CENPP: variants seen among roughly 807,000 people sequenced by gnomAD.
The protein encoded by CENPP is centromere protein P.
A neutral mutation model predicts 35.6 loss-of-function variants in CENPP; 24 were observed. The ratio of observed to expected loss-of-function variants is 0.67; its 90% CI spans 0.49 to 0.95. CENPP has a LOEUF of 0.95. CENPP is among the 40% of genes least tolerant of loss of function. The pLI, the probability that CENPP is intolerant of heterozygous loss-of-function variation, is 0.00. For missense variants in CENPP, 332 were observed against 345.3 expected, an observed-to-expected ratio of 0.96 and a Z score of 0.31; for synonymous variants, 120 against 125.5, an observed-to-expected ratio of 0.96 and a Z score of 0.29.
intron 5 of CENPP, among the ~76,000 whole-genome samples, chr9:92,545,181 G>C (rs1849405311): frequency 6.6e-6 from 1 of 152,182 alleles, no homozygotes; most frequent in Non-Finnish European, 1.5e-5. Flanking sequence ...CTGTGCTGTG[G>C]GAGCTCCTTC....
At chr9:92,344,737 C>A (rs1024997667) in intron 3 of CENPP, among the ~76,000 whole-genome samples, 1 of 151,196 alleles carries the variant, frequency 6.6e-6, no homozygotes, top group Non-Finnish European at 1.5e-5. Flanking sequence ...TTAGTAGAGA[C>A]GGGGTTTCAC....
chr9:92,595,161 G>A (rs907803344), intron 5 of CENPP, among the ~76,000 whole-genome samples: 1 of 152,186 alleles, frequency 6.6e-6, no homozygotes. Context: ...GCCTCCCAAA[G>A]TGCTGGGATT....
At chr9:92,335,460 G>A (rs577130792) in intron 2 of CENPP, among the ~76,000 whole-genome samples, 6 of 152,180 alleles carry the variant, frequency 3.9e-5, no homozygotes, top group African/African-American at 1.4e-4. Context: ...TATGGACAAA[G>A]CCCAAGGTCA....
chr9:92,594,668 T>C (rs1183556294), intron 5 of CENPP, among the ~76,000 whole-genome samples: 1 of 152,064 alleles, frequency 6.6e-6, no homozygotes, highest in Non-Finnish European at 1.5e-5. Flanking sequence ...TAAAATTTCA[T>C]TTGTGGCCAG....
At chr9:92,588,960 C>T (rs1200275387) in intron 5 of CENPP, among the ~76,000 whole-genome samples, 1 of 152,000 alleles carries the variant, frequency 6.6e-6, no homozygotes, top group Non-Finnish European at 1.5e-5. Context: ...TGCATTACTA[C>T]GAAATTTAAG....
chr9:92,403,105 G>A lies in CENPP; in HGVS notation c.564+23246G>A, dbSNP rs1014902377. 1.7e-5 allele frequency: 10 copies of A among 587,926 alleles called. No individual in the cohort carries two copies. The African/African-American group carries it at 1.9e-4, about 11-fold the overall frequency. 36.4% of individuals were successfully genotyped at this position (587,926 alleles called of 1,614,324 possible). A position where few individuals can be genotyped will look rare whatever the true frequency, so the allele number is the denominator to read the frequency against. ...ATACAATCTTAGGGACAATTATTAT[G>A]AATTCGTTTGAATCATTTAAAGTGA... On this transcript the variant is annotated intron_variant, in intron 5 of 7. Coordinates refer to ENST00000375587, the MANE Select transcript of CENPP (RefSeq NM_001012267.3).
intron 5 of CENPP, among the ~76,000 whole-genome samples, chr9:92,510,396 A>G (rs1463723437): frequency 6.6e-6 from 1 of 152,268 alleles, no homozygotes; most frequent in Non-Finnish European, 1.5e-5. Flanking sequence ...GAAATCATGC[A>G]GTAATCTGAA....
At chr9:92,542,261 G>C (rs1418604900) in intron 5 of CENPP, among the ~76,000 whole-genome samples, 6 of 152,040 alleles carry the variant, frequency 3.9e-5, no homozygotes, top group African/African-American at 1.4e-4. Flanking sequence ...TTGTTTTCTT[G>C]CTATCAAGTT....
intron 5 of CENPP, among the ~76,000 whole-genome samples, chr9:92,516,156 C>T (rs902539375): frequency 5.3e-5 from 8 of 151,784 alleles, no homozygotes; most frequent in South Asian, 2.1e-4. Flanking sequence ...CTCCGCCTCC[C>T]GGGTTCAAGC....
chr9:92,565,293 T>TTA (rs1849938646), intron 5 of CENPP, among the ~76,000 whole-genome samples: 1 of 33,162 alleles, frequency 3.0e-5, no homozygotes, highest in African/African-American at 1.4e-4. Context: ...GCTGATGAGC[T>TTA]AAAAAAAAAA....
intron 5 of CENPP, among the ~76,000 whole-genome samples, chr9:92,417,938 A>G (rs1222415056): frequency 6.6e-6 from 1 of 151,898 alleles, no homozygotes; most frequent in Non-Finnish European, 1.5e-5. Flanking sequence ...GTGTTGCCCA[A>G]GCTGGTCTCA....
intron 5 of CENPP, among the ~76,000 whole-genome samples, chr9:92,564,656 A>G (rs1248996388): frequency 2.6e-5 from 4 of 152,182 alleles, no homozygotes; most frequent in Non-Finnish European, 5.9e-5. Context: ...TCAAAAGAGA[A>G]ACCTGAGCTA....
At position 92,352,080 on chromosome 9, in the gene CENPP, A is replaced by G. The variant is rs1284486753; in HGVS notation, c.467+6293A>G. Among the ~76,000 whole-genome samples the G allele has an allele frequency of 7.0e-5, 10 of 142,676 alleles. No homozygotes were observed. The East Asian group carries it at 2.1e-3, about 30-fold the overall frequency. 93.6% of individuals were successfully genotyped at this position (142,676 alleles called of 152,430 possible). Reference sequence around the variant, plus strand: ...GCTTTATTTGCACCATCTATATAAGATAGTCCTGGCCATGCACAGTGGCTC... The same window carrying G: ...GCTTTATTTGCACCATCTATATAAGGTAGTCCTGGCCATGCACAGTGGCTC... On this transcript the variant is annotated intron_variant, in intron 4 of 7. Transcript: ENST00000375587.
chr9:92,356,131 G>A (rs1489371201), intron 4 of CENPP, among the ~76,000 whole-genome samples: 2 of 152,142 alleles, frequency 1.3e-5, no homozygotes, highest in Non-Finnish European at 2.9e-5. Flanking sequence ...AATAACTACT[G>A]CTTAGAAAAC....
chr9:92,547,486 A>G (rs1380935731), intron 5 of CENPP, among the ~76,000 whole-genome samples: 1 of 152,270 alleles, frequency 6.6e-6, no homozygotes, highest in Non-Finnish European at 1.5e-5. Flanking sequence ...AAGGAATGTC[A>G]TACTGACACA....
chr9:92,390,065 A>G (rs754766548), intron 5 of CENPP: 10 of 1,443,846 alleles, frequency 6.9e-6, no homozygotes, highest in African/African-American at 1.4e-5. Flanking sequence ...AGCTAGAGGG[A>G]AAAAAATATA....
intron 4 of CENPP, among the ~76,000 whole-genome samples, chr9:92,371,813 T>C (rs1842010368): frequency 6.6e-6 from 1 of 151,664 alleles, no homozygotes; most frequent in South Asian, 2.1e-4. Flanking sequence ...TTTAGAATTG[T>C]TACATGTTTT....
In CENPP at chr9:92,476,445, G is replaced by C. The variant is rs959198825; in HGVS notation, c.564+96586G>C. Among the ~76,000 whole-genome samples, 1 of 152,106 alleles carries C rather than the reference G, an allele frequency of 6.6e-6. No individual in the cohort carries two copies. On this transcript the variant is annotated intron_variant, in intron 5 of 7. Transcript: ENST00000375587. The surrounding 1 kb of genome is among the most constrained non-coding windows in gnomAD (Gnocchi z 4.1). ...GGGCTAGAATGTCCTACTGTCATTA[G>C]TTATTAACCTGATAATTACTTTATT...
intron 5 of CENPP, chr9:92,502,774 C>A: frequency 1.5e-5 from 10 of 652,338 alleles, no homozygotes; most frequent in South Asian, 3.1e-5. Flanking sequence ...TCTTACTGCT[C>A]TTTCAAGTAA....
Sources: gnomAD v4.1 joint callset for allele counts (sites outside exome capture counted in the v4.1 genomes callset) on GRCh38, gnomAD v4.1.1 for gene constraint, Gnocchi (gnomAD v3.1) non-coding constraint, MANE v1.5 for transcripts, NCBI Gene and HGNC (gene_info 2026-07-23, HGNC 2026-07-21) for gene names.